Variants in WDR76 observed in about 807,000 individuals in gnomAD.
WDR76 encodes the protein WD repeat-containing protein 76.
A neutral mutation model predicts 70.2 loss-of-function variants in WDR76; 52 were observed. That is an observed-to-expected ratio of 0.74 (90% CI 0.59 to 0.93). The LOEUF (loss-of-function observed/expected upper bound fraction) is 0.93. Among genes scored for constraint, WDR76 ranks in the 40% least tolerant of loss-of-function variants. The pLI, the probability that WDR76 is intolerant of heterozygous loss-of-function variation, is 0.00. For missense variants in WDR76, 756 were observed against 760.2 expected (o/e 0.99, Z 0.07); for synonymous variants, 292 against 271.1 (o/e 1.08, Z -0.76).
intron 10 of WDR76, chr15:43,857,545 C>T (rs1021339998): frequency 5.7e-5 from 56 of 985,130 alleles, no homozygotes; most frequent in Admixed American, 1.8e-4. Context: ...GACAGCTGGG[C>T]GTGGTGGCTC....
rs115352889 is a variant in WDR76 at position 43,863,705 on chromosome 15, A to G, written c.1616+2319A>G. Among the ~76,000 whole-genome samples, 1,289 of 152,196 alleles carry G rather than the reference A, an allele frequency of 8.5e-3. 18 individuals carry two copies. Among genetic ancestry groups the G allele is most frequent in the African/African-American group, 0.029 (1,219 of 41,528 alleles). Reference sequence around the variant, plus strand: ...CTCCCAAGTAGATGGGACTTCAGACACACAGAACCATGCCCTGCTAGTTAA... The same window carrying G: ...CTCCCAAGTAGATGGGACTTCAGACGCACAGAACCATGCCCTGCTAGTTAA... On this transcript the variant is annotated intron_variant, in intron 12 of 12. Coordinates refer to ENST00000263795, the MANE Select transcript of WDR76 (RefSeq NM_024908.4).
chr15:43,850,267 T>A (rs979985501), intron 8 of WDR76, among the ~76,000 whole-genome samples: 1 of 148,296 alleles, frequency 6.7e-6, no homozygotes, highest in Non-Finnish European at 1.5e-5. Context: ...TGGTGTTATT[T>A]TTTTATTTTA....
chr15:43,860,853 C>T (rs1313647674), intron 11 of WDR76, among the ~76,000 whole-genome samples: 5 of 148,438 alleles, frequency 3.4e-5, no homozygotes, highest in Non-Finnish European at 5.9e-5. Flanking sequence ...TTTTATAAAA[C>T]GTCTTGTAAC....
chr15:43,842,712 A>G (rs767197569), intron 7 of WDR76, 41 bp downstream of exon 7: 4 of 1,574,548 alleles, frequency 2.5e-6, no homozygotes, highest in African/African-American at 1.4e-5. Context: ...ATTTTTTGAG[A>G]TGTTTGAGTT....
chr15:43,864,387 CCTT>C (rs1056816687), intron 12 of WDR76, among the ~76,000 whole-genome samples: 3 of 152,182 alleles, frequency 2.0e-5, no homozygotes, highest in East Asian at 1.9e-4. Flanking sequence ...TACAAGGGGT[CCTT>C]CTTCTCCATA....
At chr15:43,860,139 G>A (rs2087978290) in intron 11 of WDR76, among the ~76,000 whole-genome samples, 1 of 152,218 alleles carries the variant, frequency 6.6e-6, no homozygotes, top group South Asian at 2.1e-4. Flanking sequence ...CAGCTACTTG[G>A]GAGGCTGAGG....
In WDR76 at chr15:43,832,149, T is replaced by C. The variant is rs2087597366; in HGVS notation, c.463-2912T>C. 2.0e-5 allele frequency among the ~76,000 whole-genome samples: 3 copies of C among 152,220 alleles called. No homozygotes were observed. The South Asian group carries it at 6.2e-4, about 31-fold the overall frequency. On this transcript the variant is annotated intron_variant, in intron 2 of 12. Transcript: ENST00000263795. ...TAGAATTTTTAATGCATTGTTCCAT[T>C]GTCTTCCAGCTTCCTTCAATGTTGA...
intron 4 of WDR76, among the ~76,000 whole-genome samples, chr15:43,838,375 G>C (rs555834505): frequency 6.6e-6 from 1 of 151,734 alleles, no homozygotes; most frequent in Admixed American, 6.6e-5. Context: ...TAGTAGATAC[G>C]GGGTTTCGCC....
chr15:43,857,037 T>C lies in WDR76; in HGVS notation c.1283T>C (p.Met428Thr), dbSNP rs760598816. ...ATAGTAGGACACTGGGATGGAAATA[T>C]GTCACTGGTGGATAGACGGACACCT... The part of the protein sequence containing the change: ...TLIVGHWDGN[M>T]SLVDRRTPGT... Residue 428 changes from methionine to threonine, a missense_variant, in exon 10 of 13, where the codon ATG (methionine) becomes ACG (threonine). By Grantham distance (81) the Met-to-Thr change is moderately conservative. Transcript: ENST00000263795. The C allele has an allele frequency of 6.2e-7, 1 of 1,614,152 alleles. No homozygotes were observed. The highest frequency in any genetic ancestry group is 8.5e-7 in the Non-Finnish European group (1 of 1,180,006).
intron 8 of WDR76, among the ~76,000 whole-genome samples, chr15:43,849,315 A>G (rs1313274104): frequency 1.3e-5 from 2 of 152,200 alleles, no homozygotes; most frequent in African/African-American, 4.8e-5. Context: ...TTGCCATTGT[A>G]GAAGATAATG....
chr15:43,827,170 A>C lies in WDR76; in HGVS notation c.60+78A>C, dbSNP rs1297415410. The C allele has an allele frequency of 1.3e-5, 21 of 1,590,028 alleles. No homozygotes were observed. The Admixed American group carries it at 3.6e-4, about 27-fold the overall frequency. On this transcript the variant is annotated intron_variant, in intron 1 of 12. Coordinates refer to ENST00000263795, the MANE Select transcript of WDR76 (RefSeq NM_024908.4). Reference sequence around the variant, plus strand: ...GGGTTATGCGGGACACAGGCCCAGGAGGTCGAGGGCACCTGGCACCGGGGG... The same window carrying C: ...GGGTTATGCGGGACACAGGCCCAGGCGGTCGAGGGCACCTGGCACCGGGGG...
In WDR76 at chr15:43,842,442, A is replaced by G. The variant is rs2140302515; in HGVS notation, c.760A>G (p.Met254Val). ...TTTGTTACCTCCTGGGCCTTTAGAA[A>G]TGACTTCTGAAAATCAAGAAGACAA... Reference protein sequence around the residue: ...TPLLPPGPLEMTSENQEDNNE... With the variant: ...TPLLPPGPLEVTSENQEDNNE... Residue 254 changes from methionine to valine, a missense_variant, in exon 6 of 13, where the codon ATG becomes GTG. Transcript: ENST00000263795. 6.2e-7 allele frequency: 1 copy of G among 1,614,082 alleles called. No individual in the cohort carries two copies. The highest frequency in any genetic ancestry group is 8.5e-7 in the Non-Finnish European group (1 of 1,179,996).
At chr15:43,835,001 T>C in intron 2 of WDR76, 60 bp from the exon 3 acceptor site, 1 of 1,395,256 alleles carries the variant, frequency 7.2e-7, no homozygotes, top group Non-Finnish European at 1.0e-6. Flanking sequence ...TGTAGTTTTG[T>C]GAAGTGCTTT....
At chr15:43,838,961 G>T (rs541201943) in intron 4 of WDR76, among the ~76,000 whole-genome samples, 1 of 152,054 alleles carries the variant, frequency 6.6e-6, no homozygotes, top group Non-Finnish European at 1.5e-5. Context: ...ACTAATTCTC[G>T]AAGTAATGTG....
At chr15:43,849,397 G>A (rs1004048521) in intron 8 of WDR76, among the ~76,000 whole-genome samples, 14 of 152,112 alleles carry the variant, frequency 9.2e-5, no homozygotes, top group Non-Finnish European at 1.8e-4. Flanking sequence ...AGATTTATGT[G>A]TACCTATACA....
chr15:43,861,334 A>AT lies in WDR76; in HGVS notation c.1569dup (p.Asp524Ter). 6.2e-7 allele frequency: 1 copy of AT among 1,613,892 alleles called. No individual in the cohort carries two copies. The highest frequency in any genetic ancestry group is 8.5e-7 in the Non-Finnish European group (1 of 1,179,894). On this transcript the variant is annotated frameshift_variant and splice_region_variant, in exon 12 of 13. Transcript: ENST00000263795. LOFTEE classifies it high-confidence loss of function. ...TGTCTTACTCTCTTTATTTTGCAGA[A>AT]TTTTTGACAGCAGCTGTATATCTTC...
At chr15:43,865,268 GTATTTT>G (rs1271362429) in intron 12 of WDR76, among the ~76,000 whole-genome samples, 8 of 139,268 alleles carry the variant, frequency 5.7e-5, no homozygotes, top group African/African-American at 1.9e-4. Flanking sequence ...GCTACTTTTT[GTATTTT>G]TATTTTTATT....
intron 8 of WDR76, among the ~76,000 whole-genome samples, chr15:43,850,233 G>A (rs1309449134): frequency 1.3e-5 from 2 of 151,594 alleles, no homozygotes; most frequent in African/African-American, 4.8e-5. Context: ...TATTAATATG[G>A]AAATTCAAAT....
intron 4 of WDR76, 116 bp downstream of exon 4, chr15:43,836,332 C>G: frequency 1.2e-6 from 1 of 808,880 alleles, no homozygotes; most frequent in Non-Finnish European, 1.8e-6. Flanking sequence ...TATTTAATCT[C>G]AGTCCCTCTA....
Sources: gnomAD v4.1 joint callset for allele counts (sites outside exome capture counted in the v4.1 genomes callset) on GRCh38, gnomAD v4.1.1 for gene constraint, MANE v1.5 for transcripts, NCBI Gene and HGNC (gene_info 2026-07-23, HGNC 2026-07-21) for gene names.